SRPX: variants seen among roughly 807,000 people sequenced by gnomAD.
SRPX encodes sushi repeat containing protein X-linked, also known as sushi repeat-containing protein SRPX.
SRPX carries 24 observed loss-of-function variants against 38.1 expected under a neutral mutation model. The ratio of observed to expected loss-of-function variants is 0.63; its 90% confidence interval spans 0.46 to 0.89. SRPX has a LOEUF of 0.89. Ranked by LOEUF, SRPX falls within the 40% of genes least tolerant of loss-of-function variation. The pLI, the probability that SRPX is intolerant of heterozygous loss-of-function variation, is 0.00. For synonymous variants in SRPX, 184 were observed against 153.8 expected (o/e 1.20, Z -1.45); for missense variants, 416 against 377.8 (o/e 1.10, Z -0.84).
chrX:38,213,869 T>C (rs1939380690), intron 1 of SRPX, among the ~76,000 whole-genome samples: 1 of 111,336 alleles, frequency 9.0e-6, no homozygotes. Context: ...GGTATTATGG[T>C]AACTTACTAT....
At chrX:38,176,810 A>G (rs1938574718) in intron 2 of SRPX, among the ~76,000 whole-genome samples, 1 of 112,198 alleles carries the variant, frequency 8.9e-6, no homozygotes, top group African/African-American at 3.2e-5. Context: ...AATAATAAAA[A>G]TAAATAAAAC....
At chrX:38,218,741 C>T (rs1390549880) in intron 1 of SRPX, among the ~76,000 whole-genome samples, 2 of 111,767 alleles carry the variant, frequency 1.8e-5, no homozygotes, top group African/African-American at 6.5e-5. Flanking sequence ...TGAACTCAGC[C>T]TATGTGATTT....
intron 1 of SRPX, among the ~76,000 whole-genome samples, chrX:38,182,239 T>C (rs1938686625): frequency 8.9e-6 from 1 of 112,514 alleles, no homozygotes; most frequent in South Asian, 3.7e-4. Context: ...GAATCCTGTC[T>C]GCCTGGCCTT....
In SRPX at chrX:38,149,744, T is replaced by C. The variant is rs1937973981; in HGVS notation, c.1362A>G (p.Leu454=). The C allele has an allele frequency of 3.3e-6, 4 of 1,211,114 alleles. No individual in the cohort carries two copies. Among genetic ancestry groups the C allele is most frequent in the South Asian group, 3.5e-5 (2 of 56,765 alleles). ...TFPLRKEEMV[L]QAEMSQTCNT ...TACAGGTCTGGCTCATTTCGGCTTG[T>C]AGGACCATCTCTTCTTTTCTCAAGG... The change falls in exon 10 of 10, where the codon CTA becomes CTG. Residue 454 remains leucine, a synonymous_variant. Transcript: ENST00000378533.
At position 38,178,150 on chromosome X, in the gene SRPX, T is replaced by TA. The variant is rs112384720; in HGVS notation, c.157+134_157+135insT. ...TTAAAAAAGGGAGTATATATATATA[T>TA]TTTTTTTTCCTTGATAGATAATTAG... On this transcript the variant is annotated intron_variant, in intron 2 of 9. Coordinates refer to ENST00000378533, the MANE Select transcript of SRPX (RefSeq NM_006307.5). The TA allele has an allele frequency of 4.6e-4, 160 of 348,982 alleles. 1 individual carries two copies. Among genetic ancestry groups the TA allele is most frequent in the African/African-American group, 7.7e-4 (29 of 37,501 alleles). 28.8% of individuals were successfully genotyped at this position (348,982 alleles called of 1,213,427 possible). A position where few individuals can be genotyped will look rare whatever the true frequency, so the allele number is the denominator to read the frequency against.
chrX:38,154,323 T>C, intron 9 of SRPX, 139 bp downstream of exon 9: 1 of 701,915 alleles, frequency 1.4e-6, no homozygotes, highest in Non-Finnish European at 2.0e-6. Flanking sequence ...ATTAGTATGG[T>C]TATAACACTC....
chrX:38,168,965 C>T (rs910591676), intron 4 of SRPX, among the ~76,000 whole-genome samples: 1 of 111,917 alleles, frequency 8.9e-6, no homozygotes, highest in African/African-American at 3.3e-5. Context: ...CCAGCCTGGA[C>T]GACATAGCAA....
intron 2 of SRPX, among the ~76,000 whole-genome samples, chrX:38,175,134 T>A (rs1938545274): frequency 8.9e-6 from 1 of 112,132 alleles, no homozygotes; most frequent in South Asian, 3.7e-4. Context: ...CTCTTTGAGA[T>A]CCATAAAATA....
At chrX:38,159,904 G>C (rs1938207672) in intron 7 of SRPX, 113 bp downstream of exon 7, 3 of 846,421 alleles carry the variant, frequency 3.5e-6, no homozygotes, top group South Asian at 2.7e-5. Flanking sequence ...CTCAGATAAA[G>C]AGGGATGGCC....
chrX:38,206,608 T>C (rs1412895417), intron 1 of SRPX, among the ~76,000 whole-genome samples: 1 of 111,831 alleles, frequency 8.9e-6, no homozygotes, highest in Non-Finnish European at 1.9e-5. Flanking sequence ...ATTGTCTGAG[T>C]TCCCCCAAAA....
At chrX:38,202,910 C>A (rs1470562176) in intron 1 of SRPX, among the ~76,000 whole-genome samples, 4 of 112,052 alleles carry the variant, frequency 3.6e-5, no homozygotes, top group Admixed American at 9.4e-5. Flanking sequence ...GAACACATGT[C>A]CCAACTCATT....
At chrX:38,162,345 G>A (rs181724873) in intron 5 of SRPX, among the ~76,000 whole-genome samples, 6 of 111,679 alleles carry the variant, frequency 5.4e-5, no homozygotes, top group African/African-American at 2.0e-4. Flanking sequence ...GCAGCAAGGA[G>A]CCCTAGTGAG....
In SRPX at chrX:38,164,953, G is replaced by A. The variant is rs1938337936; in HGVS notation, c.527-58C>T. The A allele has an allele frequency of 4.6e-6, 5 of 1,089,153 alleles. No homozygotes were observed. The Admixed American group carries it at 1.1e-4, about 25-fold the overall frequency. The allele number at this position is 1,089,153 out of a possible 1,213,427, so 89.8% of individuals were successfully genotyped here. ...TCAAGAAATATCTAGTCAAACTGGG[G>A]TTCAACACCCACAGTTTAAAATACC... On this transcript the variant is annotated intron_variant, in intron 4 of 9. Coordinates refer to ENST00000378533, the MANE Select transcript of SRPX (RefSeq NM_006307.5).
Position 38,195,291 on chromosome X carries a change from A to G in SRPX, c.98-16947T>C, listed in dbSNP as rs57978157. ...GAGATAGCGAAAGGAAAAGAATCCA[A>G]AGGAAAGAATAGCAAGGACTACAGG... On this transcript the variant is annotated intron_variant, in intron 1 of 9. Coordinates refer to ENST00000378533, the MANE Select transcript of SRPX (RefSeq NM_006307.5). Among the ~76,000 whole-genome samples, 743 of 111,254 alleles carry G rather than the reference A, an allele frequency of 6.7e-3. 32 individuals are homozygous for G. In the East Asian group the frequency reaches 0.17, roughly 25 times the overall value.
At chrX:38,219,652 C>G (rs1939480210) in intron 1 of SRPX, among the ~76,000 whole-genome samples, 1 of 112,095 alleles carries the variant, frequency 8.9e-6, no homozygotes, top group Non-Finnish European at 1.9e-5. Context: ...ATCTCCCAAG[C>G]ACACTGCTAG....
At chrX:38,215,631 C>T (rs1939412331) in intron 1 of SRPX, among the ~76,000 whole-genome samples, 1 of 112,147 alleles carries the variant, frequency 8.9e-6, no homozygotes, top group Non-Finnish European at 1.9e-5. Context: ...AAAGTGTCAT[C>T]TTGGAAATTC....
chrX:38,192,255 T>C (rs947341662), intron 1 of SRPX, among the ~76,000 whole-genome samples: 2 of 111,822 alleles, frequency 1.8e-5, no homozygotes, highest in Non-Finnish European at 3.8e-5. Context: ...TAATTTGAAA[T>C]TGGCTTTTCC....
At chrX:38,171,820 T>A in intron 4 of SRPX, 61 bp downstream of exon 4, 5 of 1,128,294 alleles carry the variant, frequency 4.4e-6, no homozygotes, top group Non-Finnish European at 6.1e-6. Context: ...CAATCCACGA[T>A]GTGAACACCC....
chrX:38,167,495 G>A (rs1328183076), intron 4 of SRPX, among the ~76,000 whole-genome samples: 3 of 111,192 alleles, frequency 2.7e-5, no homozygotes, highest in Non-Finnish European at 3.8e-5. Context: ...ACTTGGCCCC[G>A]ATAGCATTTT....
Sources: gnomAD v4.1 joint callset for allele counts (sites outside exome capture counted in the v4.1 genomes callset) on GRCh38, gnomAD v4.1.1 for gene constraint, MANE v1.5 for transcripts, NCBI Gene and HGNC (gene_info 2026-07-23, HGNC 2026-07-21) for gene names.